Variants in OLFM3 observed in about 807,000 individuals in gnomAD.
The protein encoded by OLFM3 is olfactomedin 3, also known as noelin-3.
Under a neutral mutation model 48.6 loss-of-function variants are expected in OLFM3, and 20 were observed. That is an observed-to-expected ratio of 0.41 (90% CI 0.29 to 0.60). The LOEUF (loss-of-function observed/expected upper bound fraction) is 0.60. Ranked by LOEUF, OLFM3 falls within the 20% of genes least tolerant of loss-of-function variation. The pLI, the probability that OLFM3 is intolerant of heterozygous loss-of-function variation, is 0.28. For synonymous variants in OLFM3, 222 were observed against 198.1 expected, an observed-to-expected ratio of 1.12 and a Z score of -1.01; for missense variants, 437 against 544.3, an observed-to-expected ratio of 0.80 and a Z score of 1.96.
At chr1:101,828,369 T>C (rs1261559779) in intron 3 of OLFM3, among the ~76,000 whole-genome samples, 1 of 152,190 alleles carries the variant, frequency 6.6e-6, no homozygotes, top group African/African-American at 2.4e-5. Flanking sequence ...CTTGAATATG[T>C]ATAATATTCT....
At chr1:101,900,575 G>A (rs1434514188) in intron 1 of OLFM3, among the ~76,000 whole-genome samples, 1 of 152,092 alleles carries the variant, frequency 6.6e-6, no homozygotes, top group African/African-American at 2.4e-5. Flanking sequence ...AGGCAAGAAA[G>A]TGTTTGGCCT....
At chr1:101,963,197 C>G (rs1279645318) in intron 1 of OLFM3, among the ~76,000 whole-genome samples, 1 of 152,186 alleles carries the variant, frequency 6.6e-6, no homozygotes, top group Non-Finnish European at 1.5e-5. Context: ...CATTACTCCC[C>G]CATTGCCACC....
chr1:101,947,756 C>T (rs529474487), intron 1 of OLFM3, among the ~76,000 whole-genome samples: 1 of 152,274 alleles, frequency 6.6e-6, no homozygotes, highest in East Asian at 1.9e-4. Context: ...AATGCCATCA[C>T]TTAATAGGCA....
chr1:101,874,206 A>G (rs536193854), intron 1 of OLFM3, among the ~76,000 whole-genome samples: 1 of 152,016 alleles, frequency 6.6e-6, no homozygotes, highest in South Asian at 2.1e-4. Flanking sequence ...TGTGGTTTTC[A>G]AAGATTGATT....
intron 1 of OLFM3, among the ~76,000 whole-genome samples, chr1:101,949,589 T>C (rs1660058486): frequency 6.6e-6 from 1 of 151,986 alleles, no homozygotes; most frequent in Non-Finnish European, 1.5e-5. Context: ...GTAGCAAGAG[T>C]GACCTTTTTA....
At position 101,816,469 on chromosome 1, in the gene OLFM3, T is replaced by G. The variant is rs146780925; in HGVS notation, c.592+8557A>C. ...TGAGTAATCATGTGCCTATCTTTCC[T>G]TTTATAATTTTTGTGTGTGAGTGTC... On this transcript the variant is annotated intron_variant, in intron 4 of 5. Transcript: ENST00000370103. Among the ~76,000 whole-genome samples the G allele has an allele frequency of 5.3e-3, 806 of 152,292 alleles. 4 individuals are homozygous for G. The highest frequency in any genetic ancestry group is 0.01 in the Middle Eastern group (3 of 294).
intron 1 of OLFM3, among the ~76,000 whole-genome samples, chr1:101,954,192 G>A (rs1335890930): frequency 6.6e-6 from 1 of 151,944 alleles, no homozygotes; most frequent in African/African-American, 2.4e-5. Flanking sequence ...ATTAAGAACT[G>A]ACCAAATTGC....
chr1:101,892,103 C>T (rs148889958), intron 1 of OLFM3, among the ~76,000 whole-genome samples: 3 of 152,028 alleles, frequency 2.0e-5, no homozygotes, highest in African/African-American at 7.2e-5. Flanking sequence ...CCCTGCTAGA[C>T]AAGAATGAGA....
chr1:101,981,937 A>G (rs1236434869), intron 1 of OLFM3, among the ~76,000 whole-genome samples: 1 of 152,206 alleles, frequency 6.6e-6, no homozygotes, highest in African/African-American at 2.4e-5. Flanking sequence ...GAAGGAAAGA[A>G]ATGGAAAAAT....
Position 101,824,962 on chromosome 1 carries a change from G to C in OLFM3, c.592+64C>G, listed in dbSNP as rs1280275099. On this transcript the variant is annotated intron_variant, in intron 4 of 5. Transcript: ENST00000370103. ...TTTTATGACTCTTTATAAAACGTAA[G>C]AGCACAATTTTCTTTGAAACTATAT... 3 of 1,390,790 alleles carry C rather than the reference G, an allele frequency of 2.2e-6. No individual in the cohort carries two copies. The African/African-American group carries it at 4.3e-5, about 20-fold the overall frequency. The allele number at this position is 1,390,790 out of a possible 1,614,324, so 86.2% of individuals were successfully genotyped here.
intron 1 of OLFM3, among the ~76,000 whole-genome samples, chr1:101,872,072 G>C (rs996357292): frequency 6.6e-6 from 1 of 152,068 alleles, no homozygotes; most frequent in Non-Finnish European, 1.5e-5. Context: ...AGTGAAAGCA[G>C]AAGCTCAGAG....
At chr1:101,951,091 C>A (rs1660132638) in intron 1 of OLFM3, among the ~76,000 whole-genome samples, 1 of 152,140 alleles carries the variant, frequency 6.6e-6, no homozygotes, top group African/African-American at 2.4e-5. Context: ...ATTGCTTTGA[C>A]AGTCTAGCCA....
At chr1:101,883,663 C>T (rs1254506417) in intron 1 of OLFM3, among the ~76,000 whole-genome samples, 1 of 151,886 alleles carries the variant, frequency 6.6e-6, no homozygotes, top group Admixed American at 6.6e-5. Context: ...AGTATAATTA[C>T]CTGTCTTTCT....
chr1:101,947,578 G>A (rs1259013137), intron 1 of OLFM3, among the ~76,000 whole-genome samples: 1 of 152,070 alleles, frequency 6.6e-6, no homozygotes, highest in Admixed American at 6.5e-5. Flanking sequence ...GTCCAGCCTG[G>A]ACAACATATT....
intron 1 of OLFM3, among the ~76,000 whole-genome samples, chr1:101,879,707 C>A (rs1367935163): frequency 7.9e-5 from 12 of 151,596 alleles, no homozygotes; most frequent in Non-Finnish European, 2.9e-5. Context: ...TAGCAAATAA[C>A]CAAATATCTT....
chr1:101,826,633 T>C (rs1340703524), intron 3 of OLFM3, among the ~76,000 whole-genome samples: 1 of 152,226 alleles, frequency 6.6e-6, no homozygotes, highest in African/African-American at 2.4e-5. Context: ...TTTGTTCACA[T>C]GTACATATTG....
rs77506972 is a variant in OLFM3 at position 101,834,400 on chromosome 1, C to T, written c.216+2479G>A. ...TTGTTGTAAATATTGTCTTTATTAA[C>T]AATATTCCCTTATATGTGACTAAAT... On this transcript the variant is annotated intron_variant, in intron 2 of 5. Coordinates refer to ENST00000370103, the MANE Select transcript of OLFM3 (RefSeq NM_058170.4). 9.7e-3 allele frequency among the ~76,000 whole-genome samples: 1,475 copies of T among 152,200 alleles called. 22 individuals carry two copies. The highest frequency in any genetic ancestry group is 0.033 in the African/African-American group (1,374 of 41,536).
chr1:101,817,644 C>T lies in OLFM3; in HGVS notation c.592+7382G>A, dbSNP rs141411983. On this transcript the variant is annotated intron_variant, in intron 4 of 5. Transcript: ENST00000370103. ...TATAATTATTTCTTATATAATTGTA[C>T]TCTGTAATATCCTGCACTAATAGCT... Among the ~76,000 whole-genome samples, 159 of 129,326 alleles carry T rather than the reference C, an allele frequency of 1.2e-3. 2 individuals are homozygous for T. The East Asian group carries it at 0.036, about 29-fold the overall frequency. 84.8% of individuals were successfully genotyped at this position (129,326 alleles called of 152,430 possible).
intron 1 of OLFM3, among the ~76,000 whole-genome samples, chr1:101,916,672 T>C (rs1658937309): frequency 2.0e-5 from 3 of 152,188 alleles, no homozygotes; most frequent in Non-Finnish European, 2.9e-5. Flanking sequence ...TGTGTAAATA[T>C]TGAAAGCAGC....
Sources: gnomAD v4.1 joint callset for allele counts (sites outside exome capture counted in the v4.1 genomes callset) on GRCh38, gnomAD v4.1.1 for gene constraint, MANE v1.5 for transcripts, NCBI Gene and HGNC (gene_info 2026-07-23, HGNC 2026-07-21) for gene names.